The following DCC variants were observed in gnomAD, a reference collection of about 807,000 sequenced individuals.
The protein encoded by DCC is netrin receptor DCC.
DCC carries 58 observed loss-of-function variants against 172.5 expected under a neutral mutation model. The observed-to-expected ratio is 0.34, with a 90% CI of 0.27 to 0.42. The LOEUF (loss-of-function observed/expected upper bound fraction) is 0.42. Ranked by LOEUF, DCC falls within the 10% of genes least tolerant of loss-of-function variation. The pLI is 1.00. For missense variants in DCC, 1,740 were observed against 1,791.0 expected (o/e 0.97, Z 0.51); for synonymous variants, 709 against 644.5 (o/e 1.10, Z -1.52).
intron 1 of DCC, among the ~76,000 whole-genome samples, chr18:52,589,352 C>A (rs2033747405): frequency 6.6e-6 from 1 of 152,160 alleles, no homozygotes; most frequent in Non-Finnish European, 1.5e-5. Flanking sequence ...TCTACTTTTA[C>A]AAAATGAATG....
chr18:52,904,366 T>A (rs2039850737), intron 2 of DCC, among the ~76,000 whole-genome samples: 1 of 152,308 alleles, frequency 6.6e-6, no homozygotes, highest in East Asian at 1.9e-4. Context: ...TTCAGTTATT[T>A]TGTGGTCCAA....
intron 2 of DCC, among the ~76,000 whole-genome samples, chr18:52,836,717 CA>C (rs1158829922): frequency 6.6e-6 from 1 of 152,192 alleles, no homozygotes; most frequent in Non-Finnish European, 1.5e-5. Flanking sequence ...CATGGGCTGG[CA>C]TTGAGTGCCA....
chr18:52,501,985 A>T (rs1214766446), intron 1 of DCC, among the ~76,000 whole-genome samples: 1 of 152,200 alleles, frequency 6.6e-6, no homozygotes, highest in Non-Finnish European at 1.5e-5. Flanking sequence ...AAGGGGGCTT[A>T]AAACTTGTCT....
chr18:52,678,280 G>T (rs991938906), intron 1 of DCC, among the ~76,000 whole-genome samples: 9 of 152,074 alleles, frequency 5.9e-5, no homozygotes, highest in African/African-American at 2.2e-4. Context: ...CTTATTGGTT[G>T]GCATACTCCT....
At chr18:52,436,590 C>A (rs995990416) in intron 1 of DCC, among the ~76,000 whole-genome samples, 21 of 152,158 alleles carry the variant, frequency 1.4e-4, no homozygotes, top group African/African-American at 4.8e-4. Flanking sequence ...ATGGAATATT[C>A]TGCTCTTTCT....
chr18:53,206,913 A>T (rs2055659999), intron 10 of DCC, among the ~76,000 whole-genome samples: 1 of 152,030 alleles, frequency 6.6e-6, no homozygotes, highest in Non-Finnish European at 1.5e-5. Context: ...AAATAGCTCA[A>T]GCCCAGTCCC....
intron 26 of DCC, among the ~76,000 whole-genome samples, chr18:53,497,714 C>T (rs1296338886): frequency 1.3e-5 from 2 of 152,214 alleles, no homozygotes; most frequent in Non-Finnish European, 2.9e-5. Flanking sequence ...TTGTATAACA[C>T]CTACCTAAAG....
intron 1 of DCC, among the ~76,000 whole-genome samples, chr18:52,485,283 G>T (rs117010310): frequency 6.6e-6 from 1 of 152,182 alleles, no homozygotes; most frequent in East Asian, 1.9e-4. Flanking sequence ...TGACAGCATA[G>T]AAATTGTTCT....
intron 21 of DCC, among the ~76,000 whole-genome samples, chr18:53,419,378 T>C (rs186650424): frequency 1.6e-3 from 246 of 152,250 alleles, no homozygotes; most frequent in Non-Finnish European, 2.8e-3. Context: ...TAGTAGGTCT[T>C]ACTCATTATT....
chr18:53,300,056 G>A (rs1009890034), intron 12 of DCC, among the ~76,000 whole-genome samples: 1 of 152,146 alleles, frequency 6.6e-6, no homozygotes, highest in African/African-American at 2.4e-5. Context: ...ACAAAGTAAA[G>A]GATCTCAGTG....
intron 15 of DCC, among the ~76,000 whole-genome samples, chr18:53,353,347 C>T (rs2057834738): frequency 6.6e-6 from 1 of 150,534 alleles, no homozygotes; most frequent in African/African-American, 2.4e-5. Flanking sequence ...ACTATAAAAC[C>T]CACCAACGTT....
chr18:52,924,298 G>A (rs1383557174), intron 4 of DCC, among the ~76,000 whole-genome samples: 1 of 152,008 alleles, frequency 6.6e-6, no homozygotes, highest in East Asian at 1.9e-4. Context: ...AAACATTACA[G>A]TCTACACTGT....
At chr18:52,948,633 C>A (rs2040587209) in intron 5 of DCC, among the ~76,000 whole-genome samples, 1 of 152,116 alleles carries the variant, frequency 6.6e-6, no homozygotes, top group Non-Finnish European at 1.5e-5. Context: ...CACCTTCTTT[C>A]TTCTCCTCCA....
chr18:52,479,102 T>A (rs1989178704), intron 1 of DCC, among the ~76,000 whole-genome samples: 1 of 105,754 alleles, frequency 9.5e-6, no homozygotes. Flanking sequence ...TAATAGTAAC[T>A]ACCTCATAGA....
At chr18:53,302,140 C>G (rs1242745991) in intron 12 of DCC, among the ~76,000 whole-genome samples, 3 of 152,048 alleles carry the variant, frequency 2.0e-5, no homozygotes, top group African/African-American at 7.2e-5. Flanking sequence ...GACCTACCCT[C>G]GTGAACTAAT....
At chr18:53,011,840 C>T (rs1215940533) in intron 5 of DCC, among the ~76,000 whole-genome samples, 1 of 151,536 alleles carries the variant, frequency 6.6e-6, no homozygotes, top group African/African-American at 2.4e-5. Context: ...CATCCGGTCA[C>T]ATATTCATAT....
chr18:52,807,900 G>A (rs2038118094), intron 2 of DCC, among the ~76,000 whole-genome samples: 1 of 152,122 alleles, frequency 6.6e-6, no homozygotes, highest in Non-Finnish European at 1.5e-5. Context: ...GGATACATAT[G>A]GGAAATATTT....
chr18:53,124,067 A>T (rs1203678584), intron 7 of DCC, among the ~76,000 whole-genome samples: 5 of 152,038 alleles, frequency 3.3e-5, no homozygotes, highest in Non-Finnish European at 7.4e-5. Flanking sequence ...ATTTTACAGA[A>T]AAGATGGACC....
At chr18:53,366,927 A>T (rs2058011838) in intron 15 of DCC, among the ~76,000 whole-genome samples, 1 of 152,206 alleles carries the variant, frequency 6.6e-6, no homozygotes, top group South Asian at 2.1e-4. Flanking sequence ...TGGAAGCCAC[A>T]GGGGATAACA....
Sources: gnomAD v4.1 joint callset for allele counts (sites outside exome capture counted in the v4.1 genomes callset) on GRCh38, gnomAD v4.1.1 for gene constraint, MANE v1.5 for transcripts, NCBI Gene and HGNC (gene_info 2026-07-23, HGNC 2026-07-21) for gene names.